The following VPS13D variants were observed in gnomAD, a reference collection of about 807,000 sequenced individuals.
VPS13D encodes the protein intermembrane lipid transfer protein VPS13D.
VPS13D carries 187 observed loss-of-function variants against 461.9 expected under a neutral mutation model. That is an observed-to-expected ratio of 0.40 (90% CI 0.36 to 0.46). The LOEUF (loss-of-function observed/expected upper bound fraction) is 0.46, where lower values mean the gene tolerates loss of function less well. Among genes scored for constraint, VPS13D ranks in the 20% least tolerant of loss-of-function variants. The pLI is 0.60. For missense variants in VPS13D, 4,711 were observed against 5,364.9 expected (o/e 0.88, Z 3.81); for synonymous variants, 1,951 against 1,986.3 (o/e 0.98, Z 0.47).
chr1:12,371,536 G>A (rs1359397536), intron 54 of VPS13D, among the ~76,000 whole-genome samples: 2 of 151,874 alleles, frequency 1.3e-5, no homozygotes, highest in Non-Finnish European at 2.9e-5. Flanking sequence ...GATTACAGGT[G>A]CATGCCACCA....
At chr1:12,319,391 G>T in intron 31 of VPS13D, 106 bp from the exon 32 acceptor site, 1 of 1,492,728 alleles carries the variant, frequency 6.7e-7, no homozygotes. Flanking sequence ...AATCTTACTG[G>T]TTCATGTTGT....
intron 58 of VPS13D, among the ~76,000 whole-genome samples, chr1:12,383,600 A>G (rs2101651038): frequency 6.6e-6 from 1 of 152,266 alleles, no homozygotes; most frequent in East Asian, 1.9e-4. Flanking sequence ...GAGCTTCCTA[A>G]GAGAAGTAGT....
chr1:12,262,123 G>C, intron 13 of VPS13D, 43 bp downstream of exon 13: 1 of 1,570,296 alleles, frequency 6.4e-7, no homozygotes, highest in South Asian at 1.2e-5. Context: ...TTGTCTCTCT[G>C]TGGGCCAATG....
chr1:12,386,077 A>G (rs1644347653), intron 59 of VPS13D, 108 bp from the exon 60 acceptor site: 1 of 1,316,142 alleles, frequency 7.6e-7, no homozygotes, highest in East Asian at 2.5e-5. Context: ...TCATCTGCTG[A>G]GAGATCGGGA....
intron 3 of VPS13D, among the ~76,000 whole-genome samples, chr1:12,242,969 T>C (rs1431873175): frequency 6.6e-6 from 1 of 151,794 alleles, no homozygotes; most frequent in Admixed American, 6.6e-5. Flanking sequence ...TTTTTTTTTT[T>C]TCAGATGGAG....
chr1:12,345,743 AG>A lies in VPS13D; in HGVS notation c.9021+235del, dbSNP rs1363192971. 2.0e-5 allele frequency among the ~76,000 whole-genome samples: 3 copies of A among 152,372 alleles called. No individual in the cohort carries two copies. The East Asian group carries it at 5.8e-4, about 29-fold the overall frequency. On this transcript the variant is annotated intron_variant, in intron 43 of 69. Coordinates refer to ENST00000620676, the MANE Select transcript of VPS13D (RefSeq NM_015378.4). ...CAGTAACACATTTCCTCACCTCTGTAGATCCATTTCATGCTAGCTGGCCTGA... is the reference window on the plus strand; with the variant it reads ...CAGTAACACATTTCCTCACCTCTGTAATCCATTTCATGCTAGCTGGCCTGA...
chr1:12,504,926 G>A (rs1646084541), intron 68 of VPS13D, among the ~76,000 whole-genome samples: 1 of 152,214 alleles, frequency 6.6e-6, no homozygotes, highest in Admixed American at 6.5e-5. Flanking sequence ...CAAGTGCCCA[G>A]GGTGGTGGCG....
At chr1:12,373,244 G>A (rs1427204164) in intron 54 of VPS13D, among the ~76,000 whole-genome samples, 1 of 150,896 alleles carries the variant, frequency 6.6e-6, no homozygotes, top group African/African-American at 2.4e-5. Flanking sequence ...CCTCTGCCTC[G>A]TGAGTAACTG....
chr1:12,490,286 A>G (rs1035108337), intron 67 of VPS13D, among the ~76,000 whole-genome samples: 2 of 152,144 alleles, frequency 1.3e-5, no homozygotes, highest in African/African-American at 4.8e-5. Context: ...TTTCTGCCCA[A>G]CCTATTTTCC....
At chr1:12,266,015 T>C (rs1641256585) in intron 13 of VPS13D, among the ~76,000 whole-genome samples, 1 of 151,556 alleles carries the variant, frequency 6.6e-6, no homozygotes, top group Non-Finnish European at 1.5e-5. Context: ...AAAAAAAAAT[T>C]AGTTGGTCAT....
intron 37 of VPS13D, 57 bp from the exon 38 acceptor site, chr1:12,333,169 C>A: frequency 6.4e-7 from 1 of 1,563,514 alleles, no homozygotes; most frequent in African/African-American, 1.4e-5. Context: ...GAGCAGTGTT[C>A]CCCTATAAAC....
chr1:12,288,193 T>C, intron 21 of VPS13D, 30 bp from the exon 22 acceptor site: 6 of 1,573,850 alleles, frequency 3.8e-6, no homozygotes, highest in African/African-American at 1.3e-5. Flanking sequence ...CCCAGTAATA[T>C]TGGCCTTGCT....
rs761503910 is a variant in VPS13D, at chr1:12,256,442, G to A, written c.779G>A (p.Arg260Gln). The change falls in exon 8 of 70, where the codon CGG becomes CAG. Residue 260 changes from arginine to glutamine, a missense_variant. Arg to Gln is a conservative substitution (Grantham distance 43). This residue lies in a region of VPS13D where 4,411 missense variants were observed against 4,937.8 expected (regional missense o/e 0.89). Coordinates refer to ENST00000620676, the MANE Select transcript of VPS13D (RefSeq NM_015378.4). ...RNCSKKPLRS[R>Q]HSPRIDCDIQ... The stretch of plus-strand genomic sequence containing the variant: ...TGCTCCAAGAAGCCCCTGCGGTCTC[G>A]GCACAGTCCCCGTATTGATTGTGAT... 6.2e-6 allele frequency: 10 copies of A among 1,613,946 alleles called. No individual in the cohort carries two copies. Among genetic ancestry groups the A allele is most frequent in the Admixed American group, 3.3e-5 (2 of 60,000 alleles).
chr1:12,437,729 A>T (rs1025430517), intron 65 of VPS13D, among the ~76,000 whole-genome samples: 3 of 152,194 alleles, frequency 2.0e-5, no homozygotes, highest in African/African-American at 7.2e-5. Flanking sequence ...TATAGACTAA[A>T]AGTGGATGTT....
At chr1:12,456,300 GAGA>G (rs1645326656) in intron 66 of VPS13D, among the ~76,000 whole-genome samples, 170 bp downstream of exon 66, 1 of 152,036 alleles carries the variant, frequency 6.6e-6, no homozygotes, top group Non-Finnish European at 1.5e-5. Context: ...TCAGGAGTTT[GAGA>G]CCAGCCTGGC....
rs556902604 is a variant in VPS13D, at chr1:12,276,729, G to C, written c.3141G>C (p.Pro1047=). The C allele has an allele frequency of 3.7e-6, 6 of 1,614,036 alleles. No individual in the cohort carries two copies. Among genetic ancestry groups the C allele is most frequent in the Non-Finnish European group, 5.1e-6 (6 of 1,180,040 alleles). Residue 1047 remains proline, a synonymous_variant, in exon 19 of 70, where the codon CCG becomes CCC. Transcript: ENST00000620676. The surrounding 1 kb of genome is among the most constrained non-coding windows in gnomAD (Gnocchi z 4.5). The part of the protein sequence containing the change: ...DSRAQSPVSG[P]NVAHLTDGAT... ...GGGCCCAGTCTCCTGTCTCTGGACC[G>C]AATGTGGCCCACTTAACTGATGGAG...
intron 63 of VPS13D, among the ~76,000 whole-genome samples, chr1:12,409,195 G>A (rs1003150083): frequency 1.3e-5 from 2 of 151,920 alleles, no homozygotes; most frequent in Non-Finnish European, 2.9e-5. Flanking sequence ...AAAACTACAT[G>A]TTCAGAGAAA....
At chr1:12,340,720 G>A (rs1326130702) in intron 40 of VPS13D, among the ~76,000 whole-genome samples, 2 of 152,172 alleles carry the variant, frequency 1.3e-5, no homozygotes, top group Non-Finnish European at 1.5e-5. Context: ...TCTTTCTCAC[G>A]CTGTCTTCCT....
intron 16 of VPS13D, among the ~76,000 whole-genome samples, chr1:12,269,578 C>T (rs1641372729): frequency 6.6e-6 from 1 of 152,234 alleles, no homozygotes; most frequent in South Asian, 2.1e-4. Context: ...TCAGTGGTCT[C>T]TTTGACCTCC....
Sources: gnomAD v4.1 joint callset for allele counts (sites outside exome capture counted in the v4.1 genomes callset) on GRCh38, gnomAD v4.1.1 for gene constraint, gnomAD v4.1.1 regional missense constraint, Gnocchi (gnomAD v3.1) non-coding constraint, MANE v1.5 for transcripts, NCBI Gene and HGNC (gene_info 2026-07-23, HGNC 2026-07-21) for gene names.